The following PHACTR1 variants were observed in gnomAD, a reference collection of about 807,000 sequenced individuals.
PHACTR1 encodes the protein phosphatase and actin regulator 1, also known as RPEL repeat containing 1.
A neutral mutation model predicts 69.2 loss-of-function variants in PHACTR1; 16 were observed. The observed-to-expected ratio is 0.23, with a 90% CI of 0.16 to 0.35. The LOEUF (loss-of-function observed/expected upper bound fraction) is 0.35. PHACTR1 is among the 10% of genes least tolerant of loss of function. PHACTR1 has a pLI of 1.00. For synonymous variants in PHACTR1, 312 were observed against 284.5 expected, an observed-to-expected ratio of 1.10 and a Z score of -0.97; for missense variants, 510 against 734.7, an observed-to-expected ratio of 0.69 and a Z score of 3.54.
At chr6:12,964,710 A>T (rs1263400903) in intron 4 of PHACTR1, among the ~76,000 whole-genome samples, 1 of 152,206 alleles carries the variant, frequency 6.6e-6, no homozygotes, top group Non-Finnish European at 1.5e-5. Flanking sequence ...TCAGTTACAA[A>T]TGCAACTGCA....
intron 7 of PHACTR1, among the ~76,000 whole-genome samples, chr6:13,191,198 A>C (rs1763537810): frequency 6.6e-6 from 1 of 152,184 alleles, no homozygotes; most frequent in Non-Finnish European, 1.5e-5. Flanking sequence ...ATAAAACCAA[A>C]GATTAGACCA....
At chr6:12,911,863 C>T (rs1786440965) in intron 4 of PHACTR1, among the ~76,000 whole-genome samples, 1 of 152,178 alleles carries the variant, frequency 6.6e-6, no homozygotes, top group Non-Finnish European at 1.5e-5. Flanking sequence ...AAATCCTCTC[C>T]AGAAAGCTCT....
Position 13,053,399 on chromosome 6 carries a change from T to G in PHACTR1, c.285T>G (p.Ser95=). 1 of 1,613,178 alleles carries G rather than the reference T, an allele frequency of 6.2e-7. No individual in the cohort carries two copies. Among genetic ancestry groups the G allele is most frequent in the Non-Finnish European group, 8.5e-7 (1 of 1,179,590 alleles). The stretch of plus-strand genomic sequence containing the variant: ...TGGAGAGGCTGGCGGCGATGCGTTC[T>G]GACTCCCTCGTCCCAGGCACCCACA... The part of the protein sequence containing the change: ...EEVERLAAMR[S]DSLVPGTHTP... Residue 95 remains serine, a synonymous_variant, in exon 5 of 15, where the codon TCT becomes TCG. Transcript: ENST00000332995.
rs147272502 is a variant in PHACTR1 at position 13,040,964 on chromosome 6, A to G, written c.251-12401A>G. 7.9e-5 allele frequency among the ~76,000 whole-genome samples: 12 copies of G among 152,310 alleles called. No individual in the cohort carries two copies. The East Asian group carries it at 2.3e-3, about 29-fold the overall frequency. ...AGTCCCAATTCTAGGCTCTGAGGTC[A>G]TTATATCCAGACATTTGGAAGAAAG... On this transcript the variant is annotated intron_variant, in intron 4 of 14. Transcript: ENST00000332995.
intron 4 of PHACTR1, among the ~76,000 whole-genome samples, chr6:12,785,451 G>A (rs1363977110): frequency 6.6e-6 from 1 of 152,216 alleles, no homozygotes; most frequent in African/African-American, 2.4e-5. Flanking sequence ...TACGTCTTAT[G>A]CCTGGATGTC....
At chr6:13,070,180 G>A (rs1403381820) in intron 5 of PHACTR1, among the ~76,000 whole-genome samples, 3 of 152,096 alleles carry the variant, frequency 2.0e-5, no homozygotes, top group South Asian at 4.1e-4. Flanking sequence ...TTATCTAGTC[G>A]AATTACAGTT....
rs1794051544 is a variant in PHACTR1, at chr6:12,970,428, A to G, written c.251-82937A>G. Among the ~76,000 whole-genome samples, 3 of 152,240 alleles carry G rather than the reference A, an allele frequency of 2.0e-5. No individual in the cohort carries two copies. The South Asian group carries it at 6.2e-4, about 32-fold the overall frequency. Reference sequence around the variant, plus strand: ...TTTAAATATTAAACCCAAAGGGAGAAGACTTCAGTGCACAGCAGTATTTTA... The same window carrying G: ...TTTAAATATTAAACCCAAAGGGAGAGGACTTCAGTGCACAGCAGTATTTTA... On this transcript the variant is annotated intron_variant, in intron 4 of 14. Transcript: ENST00000332995.
At chr6:13,000,350 C>A (rs926146400) in intron 4 of PHACTR1, among the ~76,000 whole-genome samples, 1 of 152,136 alleles carries the variant, frequency 6.6e-6, no homozygotes, top group African/African-American at 2.4e-5. Flanking sequence ...GAGTTCAAGA[C>A]TAGCCTGGGC....
In PHACTR1 at chr6:12,944,777, A is replaced by T. The variant is rs933787255; in HGVS notation, c.251-108588A>T. On this transcript the variant is annotated intron_variant, in intron 4 of 14. Transcript: ENST00000332995. ...GAATTATTTATTTATTTATTTATTT[A>T]TTTTTATTTATTTTTTTTTTTTTGA... is the stretch of plus-strand genomic sequence containing the variant. Among the ~76,000 whole-genome samples the T allele has an allele frequency of 4.0e-4, 55 of 135,830 alleles. 1 individual carries two copies. The East Asian group carries it at 7.1e-3, about 18-fold the overall frequency. 89.1% of individuals were successfully genotyped at this position (135,830 alleles called of 152,430 possible).
At chr6:12,894,068 C>T (rs1406181106) in intron 4 of PHACTR1, among the ~76,000 whole-genome samples, 1 of 152,186 alleles carries the variant, frequency 6.6e-6, no homozygotes, top group Non-Finnish European at 1.5e-5. Context: ...TAAGCGTTCT[C>T]GCCATCTTGT....
chr6:13,146,245 G>A (rs1178860203), intron 5 of PHACTR1, among the ~76,000 whole-genome samples: 1 of 152,168 alleles, frequency 6.6e-6, no homozygotes, highest in East Asian at 1.9e-4. Flanking sequence ...TACATAATAA[G>A]TGTTACCATG....
At chr6:13,232,713 A>G (rs145380420) in intron 10 of PHACTR1, among the ~76,000 whole-genome samples, 327 of 151,566 alleles carry the variant, frequency 2.2e-3, no homozygotes, top group African/African-American at 7.5e-3. Context: ...GGCTTCCCCA[A>G]TCTCTCTCAG....
intron 7 of PHACTR1, among the ~76,000 whole-genome samples, chr6:13,199,757 G>T (rs938522272): frequency 2.6e-5 from 4 of 152,004 alleles, no homozygotes; most frequent in Non-Finnish European, 4.4e-5. Context: ...TAGAATAAAA[G>T]ATTTTATTTC....
At chr6:12,906,466 CT>C (rs1785746058) in intron 4 of PHACTR1, among the ~76,000 whole-genome samples, 1 of 152,172 alleles carries the variant, frequency 6.6e-6, no homozygotes, top group South Asian at 2.1e-4. Context: ...CTCAGATCAT[CT>C]GTATGTTTTT....
intron 5 of PHACTR1, among the ~76,000 whole-genome samples, chr6:13,133,699 C>A (rs1375861173): frequency 2.6e-5 from 4 of 152,092 alleles, no homozygotes; most frequent in Non-Finnish European, 4.4e-5. Context: ...GAGATTGCAG[C>A]CTCTGCCTGG....
rs537532674 is a variant in PHACTR1 at position 13,230,806 on chromosome 6, C to T, written c.1391+613C>T. Among the ~76,000 whole-genome samples the T allele has an allele frequency of 1.1e-4, 16 of 152,082 alleles. No individual in the cohort carries two copies. The East Asian group carries it at 2.7e-3, about 26-fold the overall frequency. On this transcript the variant is annotated intron_variant, in intron 10 of 14. Transcript: ENST00000332995. ...CCAAAGTGGGCAGACTGTTTGAGCCCAGGAGTTTGAGGCCAGCCTGAGCAA... is the reference window on the plus strand; with the variant it reads ...CCAAAGTGGGCAGACTGTTTGAGCCTAGGAGTTTGAGGCCAGCCTGAGCAA...
rs367617126 is a variant in PHACTR1, at chr6:12,944,779, T to TTATTTA, written c.251-108585_251-108584insATTTAT. Reference sequence around the variant, plus strand: ...ATTATTTATTTATTTATTTATTTATTTTTATTTATTTTTTTTTTTTTGAGA... The same window carrying TTATTTA: ...ATTATTTATTTATTTATTTATTTATTTATTTATTTATTTATTTTTTTTTTTTTGAGA... On this transcript the variant is annotated intron_variant, in intron 4 of 14. Transcript: ENST00000332995. Among the ~76,000 whole-genome samples, 495 of 138,824 alleles carry TTATTTA rather than the reference T, an allele frequency of 3.6e-3. 4 individuals carry two copies. Among genetic ancestry groups the TTATTTA allele is most frequent in the African/African-American group, 0.013 (474 of 35,474 alleles). 91.1% of individuals were successfully genotyped at this position (138,824 alleles called of 152,430 possible). A position where few individuals can be genotyped will look rare whatever the true frequency, so the allele number is the denominator to read the frequency against.
chr6:13,287,235 TATGTGTGAAAACGCAA>T lies in PHACTR1; in HGVS notation c.*159_*174del. ...AATCAAGGAAACACAATCAGGATTT[TATGTGTGAAAACGCAA>T]AAGTGATGGCTCGGCGGTCCGAGCT... On this transcript the variant is annotated 3_prime_UTR_variant, in exon 15 of 15. Coordinates refer to ENST00000332995, the MANE Select transcript of PHACTR1 (RefSeq NM_030948.6). 1 of 846,638 alleles carries T rather than the reference TATGTGTGAAAACGCAA, an allele frequency of 1.2e-6. No individual in the cohort carries two copies. The highest frequency in any genetic ancestry group is 1.8e-6 in the Non-Finnish European group (1 of 558,690). 52.4% of individuals were successfully genotyped at this position (846,638 alleles called of 1,614,324 possible).
chr6:13,007,098 A>C (rs550932406), intron 4 of PHACTR1, among the ~76,000 whole-genome samples: 2 of 152,212 alleles, frequency 1.3e-5, no homozygotes, highest in Admixed American at 1.3e-4. Context: ...AGGTCCTCTT[A>C]TTTAGGTCTG....
Sources: allele counts gnomAD v4.1 joint callset (sites outside exome capture counted in the v4.1 genomes callset), GRCh38; gene constraint gnomAD v4.1.1; transcripts MANE v1.5; gene names NCBI Gene and HGNC (gene_info 2026-07-23, HGNC 2026-07-21).